The following COLQ variants were observed in gnomAD, a reference collection of about 807,000 sequenced individuals.
COLQ encodes the protein acetylcholinesterase collagenic tail peptide.
In COLQ, 48 loss-of-function variants were observed where a neutral mutation model predicts 69.0. The ratio of observed to expected loss-of-function variants is 0.70; its 90% CI spans 0.55 to 0.88. COLQ has a LOEUF of 0.88. Among genes scored for constraint, COLQ ranks in the 40% least tolerant of loss-of-function variants. The probability of loss-of-function intolerance (pLI) is 0.00; values close to 1 mark genes in which losing one functional copy is unlikely to be tolerated. For synonymous variants in COLQ, 217 were observed against 211.2 expected, an observed-to-expected ratio of 1.03 and a Z score of -0.24; for missense variants, 618 against 594.6, an observed-to-expected ratio of 1.04 and a Z score of -0.41.
chr3:15,487,598 C>T (rs2062595275), intron 3 of COLQ, among the ~76,000 whole-genome samples: 1 of 152,214 alleles, frequency 6.6e-6, no homozygotes, highest in African/African-American at 2.4e-5. Flanking sequence ...GGCTCAGACC[C>T]AGCTGTCCCT....
rs76442029 is a variant in COLQ, at chr3:15,520,731, G to A, written c.106+789C>T. Among the ~76,000 whole-genome samples the A allele has an allele frequency of 7.7e-3, 1,175 of 152,268 alleles. 12 individuals carry two copies. Among genetic ancestry groups the A allele is most frequent in the African/African-American group, 0.027 (1,105 of 41,530 alleles). ...TAACCGAATACTTCCCCTGCTCTGG[G>A]TCAGACAAGACAAGGGCAACAGGCT... On this transcript the variant is annotated intron_variant, in intron 1 of 16. Coordinates refer to ENST00000383788, the MANE Select transcript of COLQ (RefSeq NM_005677.4).
At chr3:15,520,490 C>T (rs1169838172) in intron 1 of COLQ, among the ~76,000 whole-genome samples, 3 of 152,176 alleles carry the variant, frequency 2.0e-5, no homozygotes, top group Admixed American at 1.3e-4. Context: ...GCATTTCTGG[C>T]CCTCCCTGTG....
chr3:15,485,725 A>G (rs924849877), intron 3 of COLQ, among the ~76,000 whole-genome samples: 2 of 152,280 alleles, frequency 1.3e-5, no homozygotes, highest in African/African-American at 4.8e-5. Context: ...TGGGAGGCCA[A>G]TGTGGGAGTA....
At chr3:15,521,474 T>C (rs1484222962) in intron 1 of COLQ, 46 bp downstream of exon 1, 1 of 1,611,154 alleles carries the variant, frequency 6.2e-7, no homozygotes, top group Admixed American at 1.7e-5. Context: ...TTCCTCCCCC[T>C]GTCCCCTGAC....
intron 1 of COLQ, among the ~76,000 whole-genome samples, chr3:15,499,641 T>C (rs930468978): frequency 1.3e-5 from 2 of 152,252 alleles, no homozygotes; most frequent in African/African-American, 2.4e-5. Context: ...AGGACACTTA[T>C]GTTCATTCAT....
intron 11 of COLQ, among the ~76,000 whole-genome samples, chr3:15,470,187 T>C (rs2062258088): frequency 6.6e-6 from 1 of 152,234 alleles, no homozygotes; most frequent in African/African-American, 2.4e-5. Flanking sequence ...CATTTGTGTC[T>C]GGGACATTGA....
intron 11 of COLQ, among the ~76,000 whole-genome samples, chr3:15,467,066 A>T (rs189220760): frequency 6.6e-6 from 1 of 152,302 alleles, no homozygotes; most frequent in African/African-American, 2.4e-5. Context: ...TGTTTCCTTC[A>T]TGGCATTTAT....
chr3:15,488,095 A>T, intron 3 of COLQ, 111 bp downstream of exon 3: 2 of 808,744 alleles, frequency 2.5e-6, no homozygotes, highest in Admixed American at 4.5e-5. Context: ...CGAGAGAAGG[A>T]AAAACAGCTT....
At chr3:15,471,607 G>T (rs1190320584) in intron 10 of COLQ, among the ~76,000 whole-genome samples, 1 of 152,154 alleles carries the variant, frequency 6.6e-6, no homozygotes, top group Non-Finnish European at 1.5e-5. Context: ...CAGACACTCA[G>T]AGAGAACAAA....
rs753348773 is a variant in COLQ at position 15,453,839 on chromosome 3, A to G, written c.1288T>C (p.Tyr430His). 4 of 1,608,856 alleles carry G rather than the reference A, an allele frequency of 2.5e-6. No individual in the cohort carries two copies. In the East Asian group the frequency reaches 6.7e-5, roughly 27 times the overall value. ...GGGAGTCATCCCTACCCAGGGAGAT[A>G]GGTCTCGCATGTCAGGTAGCCAAAG... ...SDFGYLTCETYLPGSYGDLQC... is the reference protein window; with the variant it reads ...SDFGYLTCETHLPGSYGDLQC... Residue 430 changes from tyrosine to histidine, a missense_variant, in exon 16 of 17, where the codon TAT becomes CAT. Tyr to His is a moderately conservative substitution (Grantham distance 83, BLOSUM62 2). Coordinates refer to ENST00000383788, the MANE Select transcript of COLQ (RefSeq NM_005677.4).
At chr3:15,463,567 C>T (rs561737839) in intron 12 of COLQ, among the ~76,000 whole-genome samples, 2 of 152,040 alleles carry the variant, frequency 1.3e-5, no homozygotes, top group African/African-American at 4.8e-5. Flanking sequence ...AGGATGGTCT[C>T]GATCTCCTGA....
At chr3:15,489,690 T>C in intron 1 of COLQ, 53 bp from the exon 2 acceptor site, 3 of 1,530,852 alleles carry the variant, frequency 2.0e-6, no homozygotes, top group Non-Finnish European at 2.7e-6. Context: ...TGGGCCTCTG[T>C]CACACCCACC....
intron 1 of COLQ, among the ~76,000 whole-genome samples, chr3:15,512,857 A>G (rs1378388271): frequency 6.6e-6 from 1 of 152,236 alleles, no homozygotes; most frequent in African/African-American, 2.4e-5. Flanking sequence ...TGAGGCACCA[A>G]CAGGGTAATT....
chr3:15,508,025 C>T (rs1035640431), intron 1 of COLQ, among the ~76,000 whole-genome samples: 3 of 152,010 alleles, frequency 2.0e-5, no homozygotes, highest in African/African-American at 7.2e-5. Context: ...TTCTCGCCTC[C>T]CACATTATTT....
intron 9 of COLQ, 88 bp from the exon 10 acceptor site, chr3:15,474,123 T>A: frequency 6.2e-7 from 1 of 1,600,950 alleles, no homozygotes; most frequent in Non-Finnish European, 8.6e-7. Flanking sequence ...ATTTTCAAGA[T>A]GGAGGCCTGT....
chr3:15,465,284 T>A lies in COLQ; in HGVS notation c.814+1057A>T, dbSNP rs183816408. Among the ~76,000 whole-genome samples the A allele has an allele frequency of 2.8e-3, 356 of 126,790 alleles. 9 individuals carry two copies. In the East Asian group the frequency reaches 0.07, roughly 25 times the overall value. The allele number at this position is 126,790 out of a possible 152,430, so 83.2% of individuals were successfully genotyped here. A position where few individuals can be genotyped will look rare whatever the true frequency, so the allele number is the denominator to read the frequency against. Reference sequence around the variant, plus strand: ...TATTTATTTATTTATTTATTTATTTTGAGATGGAGTCTCGCTCTGTCACCC... The same window carrying A: ...TATTTATTTATTTATTTATTTATTTAGAGATGGAGTCTCGCTCTGTCACCC... On this transcript the variant is annotated intron_variant, in intron 12 of 16. Coordinates refer to ENST00000383788, the MANE Select transcript of COLQ (RefSeq NM_005677.4).
intron 1 of COLQ, among the ~76,000 whole-genome samples, chr3:15,511,508 C>A (rs1476080006): frequency 6.6e-6 from 1 of 152,180 alleles, no homozygotes; most frequent in African/African-American, 2.4e-5. Flanking sequence ...CTTCAATCCT[C>A]ACTTTCTACT....
intron 13 of COLQ, 125 bp downstream of exon 13, chr3:15,458,061 A>G: frequency 9.9e-7 from 1 of 1,009,736 alleles, no homozygotes. Flanking sequence ...ATTTCCTATA[A>G]TGAGGGTGTA....
Position 15,466,345 on chromosome 3 carries a change from A to C in COLQ, c.810T>G (p.Pro270=), listed in dbSNP as rs1379560902. 30 of 1,612,360 alleles carry C rather than the reference A, an allele frequency of 1.9e-5. No homozygotes were observed. Among genetic ancestry groups the C allele is most frequent in the Non-Finnish European group, 2.5e-5 (29 of 1,178,594 alleles). Residue 270 remains proline, a synonymous_variant, in exon 12 of 17, where the codon CCT becomes CCG. Transcript: ENST00000383788. ...GTGAAGCAGTGTAGCTCTTACCTGC[A>C]GGTGGGGGGCCTGGGGGCCCCGGAC... ...PGRPGPPGPP[P]AGQLIMGPKG... is the part of the protein sequence containing the mutation.
Sources: gnomAD v4.1 joint callset for allele counts (sites outside exome capture counted in the v4.1 genomes callset) on GRCh38, gnomAD v4.1.1 for gene constraint, MANE v1.5 for transcripts, NCBI Gene and HGNC (gene_info 2026-07-23, HGNC 2026-07-21) for gene names.